Variants in PRKN observed in about 807,000 individuals in gnomAD.
PRKN encodes the protein E3 ubiquitin-protein ligase parkin.
In PRKN, 56 loss-of-function variants were observed where a neutral mutation model predicts 59.5. The observed-to-expected ratio is 0.94, with a 90% CI of 0.76 to 1.18. The LOEUF (loss-of-function observed/expected upper bound fraction) is 1.18, where lower values mean the gene tolerates loss of function less well. Ranked by LOEUF, PRKN falls within the 50% of genes most tolerant of loss-of-function variation. The pLI, the probability that PRKN is intolerant of heterozygous loss-of-function variation, is 0.00. For missense variants in PRKN, 657 were observed against 596.4 expected, an observed-to-expected ratio of 1.10 and a Z score of -1.06; for synonymous variants, 250 against 222.1, an observed-to-expected ratio of 1.13 and a Z score of -1.12.
chr6:161,511,851 C>T (rs1778404408), intron 9 of PRKN, among the ~76,000 whole-genome samples: 1 of 152,016 alleles, frequency 6.6e-6, no homozygotes, highest in Non-Finnish European at 1.5e-5. Context: ...CTAACTGGTG[C>T]AGAAAACATT....
chr6:162,197,939 G>C (rs902199537), intron 4 of PRKN, among the ~76,000 whole-genome samples: 2 of 152,276 alleles, frequency 1.3e-5, no homozygotes, highest in East Asian at 1.9e-4. Flanking sequence ...GACCCAAGCT[G>C]AAAGTTATCT....
chr6:162,223,265 A>G (rs1778014418), intron 3 of PRKN, among the ~76,000 whole-genome samples: 1 of 151,916 alleles, frequency 6.6e-6, no homozygotes, highest in African/African-American at 2.4e-5. Context: ...TCATTGTTGG[A>G]CATTTGGGTT....
At chr6:162,291,764 C>G (rs145581293) in intron 2 of PRKN, among the ~76,000 whole-genome samples, 5 of 152,052 alleles carry the variant, frequency 3.3e-5, no homozygotes, top group African/African-American at 1.2e-4. Flanking sequence ...TTCACCGCTA[C>G]GACAACAATC....
intron 7 of PRKN, among the ~76,000 whole-genome samples, chr6:161,782,458 A>G (rs1462557860): frequency 1.3e-5 from 2 of 152,116 alleles, no homozygotes; most frequent in Non-Finnish European, 2.9e-5. Context: ...AATATTATTT[A>G]CCTTTATTTA....
intron 5 of PRKN, among the ~76,000 whole-genome samples, chr6:161,983,921 T>A (rs974295922): frequency 1.3e-4 from 19 of 149,950 alleles, no homozygotes; most frequent in South Asian, 6.3e-4. Flanking sequence ...AAAAAAAAAA[T>A]AAAATAAAAG....
In PRKN at chr6:161,760,558, G is replaced by A. The variant is rs548675116; in HGVS notation, c.871+25214C>T. Reference sequence around the variant, plus strand: ...GAACCCGAGATTCAGGCTGAGCGCCGGAAGCCGTCTAGCAGGGACTCTGGC... The same window carrying A: ...GAACCCGAGATTCAGGCTGAGCGCCAGAAGCCGTCTAGCAGGGACTCTGGC... On this transcript the variant is annotated intron_variant, in intron 7 of 11. Coordinates refer to ENST00000366898, the MANE Select transcript of PRKN (RefSeq NM_004562.3). Among the ~76,000 whole-genome samples the A allele has an allele frequency of 2.8e-3, 419 of 151,946 alleles. 2 individuals carry two copies. The highest frequency in any genetic ancestry group is 9.7e-3 in the African/African-American group (401 of 41,422).
At chr6:161,955,915 G>A (rs760716574) in intron 6 of PRKN, among the ~76,000 whole-genome samples, 9 of 152,096 alleles carry the variant, frequency 5.9e-5, no homozygotes, top group African/African-American at 1.2e-4. Flanking sequence ...GAAAGCATGC[G>A]TGCCAGTCAC....
Position 162,668,814 on chromosome 6 carries a change from C to T in PRKN, c.7+58848G>A, listed in dbSNP as rs150355819. 6.8e-4 allele frequency among the ~76,000 whole-genome samples: 104 copies of T among 152,200 alleles called. 1 individual carries two copies. Among genetic ancestry groups the T allele is most frequent in the East Asian group, 6.2e-3 (32 of 5,174 alleles). On this transcript the variant is annotated intron_variant, in intron 1 of 11. Transcript: ENST00000366898. The stretch of plus-strand genomic sequence containing the variant: ...GGACATAAAGTAGGAACAGGAAGGA[C>T]AGACCTTTCAGCTGTACTTCTTTCC...
At chr6:161,903,016 C>G (rs777048969) in intron 6 of PRKN, among the ~76,000 whole-genome samples, 1 of 152,190 alleles carries the variant, frequency 6.6e-6, no homozygotes, top group African/African-American at 2.4e-5. Flanking sequence ...TGGTTCTCTA[C>G]TTAACAAGTA....
Position 161,552,260 on chromosome 6 carries a change from CT to C in PRKN, c.934-3258del, listed in dbSNP as rs1780047561. 3.3e-5 allele frequency among the ~76,000 whole-genome samples: 5 copies of C among 150,926 alleles called. No homozygotes were observed. Among genetic ancestry groups the C allele is most frequent in the South Asian group, 2.1e-4 (1 of 4,822 alleles). ...GAAGCGGGACATCTCTCGATCACCT[CT>C]GCCTATGACTGTGAATGATCTCACG... On this transcript the variant is annotated intron_variant, in intron 8 of 11. Coordinates refer to ENST00000366898, the MANE Select transcript of PRKN (RefSeq NM_004562.3). The surrounding 1 kb of genome is among the most constrained non-coding windows in gnomAD (Gnocchi z 4.9).
At chr6:162,114,044 T>G (rs1352308212) in intron 4 of PRKN, among the ~76,000 whole-genome samples, 8 of 151,408 alleles carry the variant, frequency 5.3e-5, no homozygotes, top group Admixed American at 5.3e-4. Context: ...GCATTATTTC[T>G]GAGGGCTCTG....
chr6:161,725,668 G>A (rs995051170), intron 7 of PRKN, among the ~76,000 whole-genome samples: 18 of 152,158 alleles, frequency 1.2e-4, no homozygotes, highest in Admixed American at 9.2e-4. Context: ...GCTGGGTTTT[G>A]GAGGTACCTG....
chr6:162,428,418 C>T (rs1054765149), intron 2 of PRKN, among the ~76,000 whole-genome samples: 1 of 152,132 alleles, frequency 6.6e-6, no homozygotes, highest in African/African-American at 2.4e-5. Flanking sequence ...GTTCTAACCT[C>T]AACAACAGAC....
intron 6 of PRKN, among the ~76,000 whole-genome samples, chr6:161,820,539 T>C (rs1335950824): frequency 6.8e-6 from 1 of 147,654 alleles, no homozygotes; most frequent in African/African-American, 2.4e-5. Context: ...AAAAATTTTA[T>C]TCATTTACTT....
chr6:162,617,506 A>T (rs1353368950), intron 1 of PRKN, among the ~76,000 whole-genome samples: 5 of 152,180 alleles, frequency 3.3e-5, no homozygotes, highest in Non-Finnish European at 7.3e-5. Flanking sequence ...TGCTGGGATT[A>T]CAGGCATGAG....
intron 3 of PRKN, among the ~76,000 whole-genome samples, chr6:162,212,436 A>C (rs1785243994): frequency 6.6e-6 from 1 of 151,648 alleles, no homozygotes. Flanking sequence ...AAGCTCGCTT[A>C]AACTCAACAT....
At chr6:162,554,459 C>T (rs564753941) in intron 1 of PRKN, among the ~76,000 whole-genome samples, 12 of 152,166 alleles carry the variant, frequency 7.9e-5, no homozygotes, top group African/African-American at 2.9e-4. Flanking sequence ...CCGAGATCGC[C>T]CCATTGCATT....
chr6:161,806,657 C>T (rs1241582809), intron 6 of PRKN, among the ~76,000 whole-genome samples: 4 of 152,166 alleles, frequency 2.6e-5, no homozygotes, highest in African/African-American at 7.2e-5. Context: ...TTCTGTAGGA[C>T]GGAACACTCC....
rs577827708 is a variant in PRKN, at chr6:161,610,638, T to C, written c.872-41222A>G. Among the ~76,000 whole-genome samples the C allele has an allele frequency of 5.9e-5, 9 of 151,782 alleles. 1 individual carries two copies. The highest frequency in any genetic ancestry group is 2.0e-4 in the Admixed American group (3 of 15,238). On this transcript the variant is annotated intron_variant, in intron 7 of 11. Transcript: ENST00000366898. ...ACCCAGGATGTTGTGTTGCTTGATA[T>C]TGGGTGCCGTAACAAGTAGAACAGG...
Sources: gnomAD v4.1 joint callset for allele counts (sites outside exome capture counted in the v4.1 genomes callset) on GRCh38, gnomAD v4.1.1 for gene constraint, Gnocchi (gnomAD v3.1) non-coding constraint, MANE v1.5 for transcripts, NCBI Gene and HGNC (gene_info 2026-07-23, HGNC 2026-07-21) for gene names.